The following LMCD1 variants were observed in gnomAD, a reference collection of about 807,000 sequenced individuals.
LMCD1 encodes the protein LIM and cysteine-rich domains protein 1.
Under a neutral mutation model 42.7 loss-of-function variants are expected in LMCD1, and 32 were observed. That is an observed-to-expected ratio of 0.75 (90% confidence interval 0.57 to 1.01). LMCD1 has a LOEUF of 1.01. LMCD1 is among the 50% of genes least tolerant of loss of function. LMCD1 has a pLI of 0.00. For missense variants in LMCD1, 458 were observed against 483.1 expected (o/e 0.95, Z 0.49); for synonymous variants, 178 against 184.9 (o/e 0.96, Z 0.30).
At chr3:8,550,897 T>C in intron 4 of LMCD1, 1 of 985,430 alleles carries the variant, frequency 1.0e-6, no homozygotes, top group Non-Finnish European at 1.2e-6. Flanking sequence ...GTTTTATTCT[T>C]GACTGAGCCT....
At chr3:8,550,986 T>C (rs1694829821) in intron 4 of LMCD1, 1 of 985,174 alleles carries the variant, frequency 1.0e-6, no homozygotes, top group Admixed American at 6.2e-5. Context: ...CTTTAGGAAA[T>C]GATTGTGAAC....
chr3:8,529,893 CT>C (rs1332318555), intron 1 of LMCD1, among the ~76,000 whole-genome samples: 5 of 152,100 alleles, frequency 3.3e-5, no homozygotes, highest in Non-Finnish European at 5.9e-5. Flanking sequence ...GTGCCAAGCC[CT>C]TTTCAGGCAG....
chr3:8,556,322 A>G (rs1007781770), intron 4 of LMCD1, among the ~76,000 whole-genome samples: 3 of 152,156 alleles, frequency 2.0e-5, no homozygotes, highest in African/African-American at 7.2e-5. Flanking sequence ...AGTGGACTAC[A>G]ACCAGAATTT....
intron 1 of LMCD1, among the ~76,000 whole-genome samples, chr3:8,530,665 T>C (rs1694395967): frequency 6.6e-6 from 1 of 152,216 alleles, no homozygotes; most frequent in Non-Finnish European, 1.5e-5. Flanking sequence ...ACAAGTTGTA[T>C]ATCTCCCAAA....
rs1209415279 is a variant in LMCD1 at position 8,570,958 on chromosome 3, C to T, written c.*3360C>T. 6.6e-6 allele frequency: 1 copy of T among 152,236 alleles called. No individual in the cohort carries two copies. Among genetic ancestry groups the T allele is most frequent in the African/African-American group, 2.4e-5 (1 of 41,450 alleles). 9.4% of individuals were successfully genotyped at this position (152,236 alleles called of 1,614,324 possible). A position where few individuals can be genotyped will look rare whatever the true frequency, so the allele number is the denominator to read the frequency against. ...TGCTTTTTGCCTGCAATTCCCCACA[C>T]TGTGTTTAATTGCTGCCTCTGCTGG... On this transcript the variant is annotated 3_prime_UTR_variant, in exon 6 of 6. Coordinates refer to ENST00000157600, the MANE Select transcript of LMCD1 (RefSeq NM_014583.4).
chr3:8,565,494 A>C lies in LMCD1; in HGVS notation c.786A>C (p.Ala262=). Residue 262 remains alanine (A), a synonymous_variant, in exon 5 of 6, where the codon GCA becomes GCC. Coordinates refer to ENST00000157600, the MANE Select transcript of LMCD1 (RefSeq NM_014583.4). ...PDSPVVYSDR[A]GYNKQWHPTC... ...GCCCCGTGGTCTACTCGGACAGGGC[A>C]GGCTACAACAAGCAGTGGCACCCCA... is the stretch of plus-strand genomic sequence containing the variant. 1 of 1,614,204 alleles carries C rather than the reference A, an allele frequency of 6.2e-7. No individual in the cohort carries two copies. The highest frequency in any genetic ancestry group is 8.5e-7 in the Non-Finnish European group (1 of 1,180,036).
At chr3:8,536,981 G>C (rs1454328090) in intron 2 of LMCD1, among the ~76,000 whole-genome samples, 1 of 152,176 alleles carries the variant, frequency 6.6e-6, no homozygotes, top group Non-Finnish European at 1.5e-5. Flanking sequence ...ATTCCTCACT[G>C]ATAGATTAAT....
At chr3:8,533,322 C>G (rs1193817864) in intron 2 of LMCD1, among the ~76,000 whole-genome samples, 1 of 152,150 alleles carries the variant, frequency 6.6e-6, no homozygotes, top group East Asian at 1.9e-4. Flanking sequence ...TAAGATCCAG[C>G]TGGAGTTGGA....
rs555754222 is a variant in LMCD1 at position 8,543,504 on chromosome 3, T to C, written c.388-5064T>C. Among the ~76,000 whole-genome samples, 16 of 152,036 alleles carry C rather than the reference T, an allele frequency of 1.1e-4. No individual in the cohort carries two copies. The South Asian group carries it at 3.3e-3, about 32-fold the overall frequency. ...ACAGACAGACAGACAGATAGATAGA[T>C]AGATTTTGAGACATGCTGCCCAGGC... On this transcript the variant is annotated intron_variant, in intron 3 of 5. Coordinates refer to ENST00000157600, the MANE Select transcript of LMCD1 (RefSeq NM_014583.4).
chr3:8,549,945 C>G, intron 4 of LMCD1: 4 of 993,210 alleles, frequency 4.0e-6, no homozygotes, highest in Non-Finnish European at 6.1e-6. Context: ...TCCTGAGGAC[C>G]TGAGCCCTCA....
intron 4 of LMCD1, among the ~76,000 whole-genome samples, chr3:8,560,412 G>A (rs1002973583): frequency 7.9e-5 from 12 of 151,980 alleles, no homozygotes; most frequent in African/African-American, 1.2e-4. Flanking sequence ...GGTGCCTGCC[G>A]GTGCTCCCCA....
chr3:8,539,164 C>A (rs1559351907), intron 3 of LMCD1, among the ~76,000 whole-genome samples: 1 of 152,146 alleles, frequency 6.6e-6, no homozygotes, highest in African/African-American at 2.4e-5. Flanking sequence ...AACAAACAAA[C>A]CTTGATCCTT....
intron 2 of LMCD1, among the ~76,000 whole-genome samples, chr3:8,533,828 C>T (rs931593443): frequency 6.6e-6 from 1 of 151,994 alleles, no homozygotes; most frequent in African/African-American, 2.4e-5. Flanking sequence ...TGCTCCTAAT[C>T]GTTCTGCAGT....
intron 1 of LMCD1, among the ~76,000 whole-genome samples, chr3:8,529,090 C>A (rs1425783213): frequency 6.6e-6 from 1 of 152,160 alleles, no homozygotes; most frequent in Non-Finnish European, 1.5e-5. Context: ...TGCCGTCTTT[C>A]AAGAGACAGA....
At chr3:8,529,020 C>T (rs1277470490) in intron 1 of LMCD1, among the ~76,000 whole-genome samples, 3 of 152,198 alleles carry the variant, frequency 2.0e-5, no homozygotes, top group Non-Finnish European at 4.4e-5. Context: ...TTCCAAGAAA[C>T]CTTTTTTTAA....
At chr3:8,508,053 G>A (rs761645058) in intron 1 of LMCD1, among the ~76,000 whole-genome samples, 2 of 152,112 alleles carry the variant, frequency 1.3e-5, no homozygotes, top group South Asian at 2.1e-4. Flanking sequence ...GCCATTTCTC[G>A]GGTATAGAAT....
At chr3:8,560,050 T>C (rs1574975060) in intron 4 of LMCD1, among the ~76,000 whole-genome samples, 6 of 152,220 alleles carry the variant, frequency 3.9e-5, no homozygotes, top group Admixed American at 3.9e-4. Context: ...TCCTTCATAC[T>C]GCTGCGAGAA....
chr3:8,547,141 A>G (rs1333048946), intron 3 of LMCD1, among the ~76,000 whole-genome samples: 1 of 152,188 alleles, frequency 6.6e-6, no homozygotes, highest in Non-Finnish European at 1.5e-5. Flanking sequence ...CAATAAAATA[A>G]TGATTATTAT....
intron 1 of LMCD1, among the ~76,000 whole-genome samples, chr3:8,528,352 GT>G (rs35009327): frequency 0.43 from 65,176 of 150,972 alleles, 14,772 homozygotes; most frequent in Non-Finnish European, 0.51. Context: ...ACCACACCTA[GT>G]TTTTTTTTGT....
Sources: allele counts gnomAD v4.1 joint callset (sites outside exome capture counted in the v4.1 genomes callset), GRCh38; gene constraint gnomAD v4.1.1; transcripts MANE v1.5; gene names NCBI Gene and HGNC (gene_info 2026-07-23, HGNC 2026-07-21).